The following PDGFRA variants were observed in gnomAD, a reference collection of about 807,000 sequenced individuals.
PDGFRA encodes the protein platelet derived growth factor receptor alpha, also known as platelet-derived growth factor receptor alpha.
A neutral mutation model predicts 121.5 loss-of-function variants in PDGFRA; 25 were observed. The ratio of observed to expected loss-of-function variants is 0.21; its 90% CI spans 0.15 to 0.29. The LOEUF (loss-of-function observed/expected upper bound fraction) is 0.29. Among genes scored for constraint, PDGFRA ranks in the 10% least tolerant of loss-of-function variants. The pLI is 1.00. For synonymous variants in PDGFRA, 463 were observed against 494.8 expected, an observed-to-expected ratio of 0.94 and a Z score of 0.85; for missense variants, 1,008 against 1,345.1, an observed-to-expected ratio of 0.75 and a Z score of 3.92.
At position 54,255,432 on chromosome 4, in the gene PDGFRA, A is replaced by T. The variant is rs111329106; in HGVS notation, c.-12-3325A>T. 1.5e-4 allele frequency among the ~76,000 whole-genome samples: 23 copies of T among 152,118 alleles called. 1 individual carries two copies. Among genetic ancestry groups the T allele is most frequent in the African/African-American group, 5.5e-4 (23 of 41,496 alleles). ...ACCAAATTAGGCTATTATCTACTGGATCCTGTTTAACCAACCCAAACCCAA... is the reference window on the plus strand; with the variant it reads ...ACCAAATTAGGCTATTATCTACTGGTTCCTGTTTAACCAACCCAAACCCAA... On this transcript the variant is annotated intron_variant, in intron 1 of 22. Coordinates refer to ENST00000257290, the MANE Select transcript of PDGFRA (RefSeq NM_006206.6).
chr4:54,279,097 C>A, intron 15 of PDGFRA: 1 of 293,126 alleles, frequency 3.4e-6, no homozygotes, highest in Non-Finnish European at 7.0e-6. Context: ...CATGGCCACA[C>A]GGCTCAAGTT....
At chr4:54,254,387 T>C (rs1364265952) in intron 1 of PDGFRA, among the ~76,000 whole-genome samples, 1 of 152,222 alleles carries the variant, frequency 6.6e-6, no homozygotes, top group African/African-American at 2.4e-5. Context: ...ATTTGCCTCC[T>C]GATGGCTTGC....
intron 3 of PDGFRA, among the ~76,000 whole-genome samples, chr4:54,263,112 A>C (rs1577708403): frequency 1.3e-5 from 2 of 152,208 alleles, no homozygotes; most frequent in Admixed American, 1.3e-4. Flanking sequence ...ACTTTTTAAT[A>C]AACAGATTTC....
At chr4:54,245,579 G>C (rs1305143621) in intron 1 of PDGFRA, among the ~76,000 whole-genome samples, 1 of 152,204 alleles carries the variant, frequency 6.6e-6, no homozygotes, top group East Asian at 1.9e-4. Flanking sequence ...AACATGGAAA[G>C]GAACAACCGG....
chr4:54,243,413 G>A (rs1721419946), intron 1 of PDGFRA, among the ~76,000 whole-genome samples: 1 of 152,204 alleles, frequency 6.6e-6, no homozygotes, highest in Non-Finnish European at 1.5e-5. Context: ...TTATAGGAAG[G>A]TGTGCCAGTA....
At chr4:54,294,698 AGATCCTGAGAACACAGTTTG>A (rs1389458053) in intron 22 of PDGFRA, among the ~76,000 whole-genome samples, 1 of 152,112 alleles carries the variant, frequency 6.6e-6, no homozygotes, top group African/African-American at 2.4e-5. Flanking sequence ...AAGTGGCAGG[AGATCCTGAGAACACAGTTTG>A]GATGCTCAGG....
chr4:54,290,570 G>C lies in PDGFRA; in HGVS notation c.3122+16G>C, dbSNP rs201423707. The C allele has an allele frequency of 6.2e-7, 1 of 1,613,930 alleles. No homozygotes were observed. The highest frequency in any genetic ancestry group is 8.5e-7 in the Non-Finnish European group (1 of 1,179,994). ...ACAGACACAGGTAGCTGTGGGGGCAGCCTCGGTGTCTCACCTTTCCCCTCC... is the reference window on the plus strand; with the variant it reads ...ACAGACACAGGTAGCTGTGGGGGCACCCTCGGTGTCTCACCTTTCCCCTCC... On this transcript the variant is annotated intron_variant, in intron 22 of 22. Transcript: ENST00000257290.
Position 54,261,297 on chromosome 4 carries a change from C to G in PDGFRA, c.252C>G (p.Val84=), listed in dbSNP as rs2110242942. 1.2e-6 allele frequency: 2 copies of G among 1,614,048 alleles called. No homozygotes were observed. The highest frequency in any genetic ancestry group is 1.7e-6 in the Non-Finnish European group (2 of 1,180,004). The change falls in exon 3 of 23, where the codon GTC becomes GTG. Residue 84 remains valine (V), a synonymous_variant. Transcript: ENST00000257290. ...EENNSGLFVT[V]LEVSSASAAH... is the part of the protein sequence containing the mutation. ...ACAACAGCGGCCTTTTTGTGACGGT[C>G]TTGGAAGTGAGCAGTGCCTCGGCGG...
At chr4:54,260,943 A>G (rs755764604) in intron 2 of PDGFRA, 152 bp from the exon 3 acceptor site, 3 of 663,310 alleles carry the variant, frequency 4.5e-6, no homozygotes, top group Non-Finnish European at 5.2e-6. Flanking sequence ...TGGCTGTTAT[A>G]ATGGGGGAGC....
At chr4:54,272,263 C>CA in intron 8 of PDGFRA, 131 bp from the exon 9 acceptor site, 1 of 885,702 alleles carries the variant, frequency 1.1e-6, no homozygotes, top group Non-Finnish European at 1.9e-6. Flanking sequence ...GTTACTTGTA[C>CA]AACTGGTTTC....
At chr4:54,236,644 A>G (rs1474957461) in intron 1 of PDGFRA, among the ~76,000 whole-genome samples, 1 of 152,098 alleles carries the variant, frequency 6.6e-6, no homozygotes, top group Non-Finnish European at 1.5e-5. Context: ...TGTACTAAAA[A>G]TACAAGAAAT....
At chr4:54,240,581 T>A (rs1453513297) in intron 1 of PDGFRA, among the ~76,000 whole-genome samples, 1 of 152,250 alleles carries the variant, frequency 6.6e-6, no homozygotes, top group Non-Finnish European at 1.5e-5. Context: ...AAAAACATTT[T>A]CTTTTCTTAT....
chr4:54,281,685 T>A (rs1474251706), intron 16 of PDGFRA: 1 of 1,362,454 alleles, frequency 7.3e-7, no homozygotes, highest in Non-Finnish European at 9.7e-7. Flanking sequence ...TCCGTGACTA[T>A]CTGAAAAAAA....
In PDGFRA at chr4:54,287,538, C is replaced by T. The variant is rs759510574; in HGVS notation, c.2671C>T (p.Leu891Phe). ...CATTCTGCTCTGGGAGATCTTTTCC[C>T]TTGGTATGGGCCTGACATTGCTGCT... ...YGILLWEIFS[L>F]GGTPYPGMMV... Residue 891 changes from leucine (L) to phenylalanine (F), a missense_variant, in exon 19 of 23, where the codon CTT (leucine) becomes TTT (phenylalanine). Physicochemically the swap from Leu to Phe is conservative, Grantham distance 22. This residue lies in a region of PDGFRA where 40 missense variants were observed against 127.4 expected (regional missense o/e 0.31). Transcript: ENST00000257290. 1 of 1,233,586 alleles carries T rather than the reference C, an allele frequency of 8.1e-7. No homozygotes were observed. Among genetic ancestry groups the T allele is most frequent in the South Asian group, 1.2e-5 (1 of 83,546 alleles). The allele number at this position is 1,233,586 out of a possible 1,614,324, so 76.4% of individuals were successfully genotyped here.
chr4:54,286,657 A>G (rs1029500759), intron 18 of PDGFRA, among the ~76,000 whole-genome samples: 1 of 152,102 alleles, frequency 6.6e-6, no homozygotes, highest in Non-Finnish European at 1.5e-5. Context: ...GCATCTGGCA[A>G]GTGTTAGCTA....
intron 12 of PDGFRA, chr4:54,277,056 G>GATCTC: frequency 5.1e-6 from 2 of 392,650 alleles, no homozygotes; most frequent in Admixed American, 7.6e-5. Context: ...CAGGAGGTGT[G>GATCTC]GGTGAGAGCC....
rs763716086 is a variant in PDGFRA, at chr4:54,272,440, T to C, written c.1284T>C (p.Thr428=). The change falls in exon 9 of 23, where the codon ACT becomes ACC. Residue 428 remains threonine, a synonymous_variant. Coordinates refer to ENST00000257290, the MANE Select transcript of PDGFRA (RefSeq NM_006206.6). ...TGGTCGATGATCACCATGGCTCAAC[T>C]GGGGGACAGACGGTGAGGTGCACAG... ...LDLVDDHHGS[T]GGQTVRCTAE... is the part of the protein sequence containing the mutation. The C allele has an allele frequency of 2.5e-6, 4 of 1,613,888 alleles. No homozygotes were observed. Among genetic ancestry groups the C allele is most frequent in the African/African-American group, 2.7e-5 (2 of 74,912 alleles).
At chr4:54,269,504 TACACACACACAC>T (rs141245838) in intron 7 of PDGFRA, among the ~76,000 whole-genome samples, 2 of 142,288 alleles carry the variant, frequency 1.4e-5, no homozygotes, top group South Asian at 4.4e-4. Flanking sequence ...TGCACATACA[TACACACACACAC>T]ACACACACAC....
chr4:54,260,336 C>T, intron 2 of PDGFRA, among the ~76,000 whole-genome samples: 1 of 150,730 alleles, frequency 6.6e-6, no homozygotes, highest in East Asian at 1.9e-4. Flanking sequence ...AATTCTTGAG[C>T]ACAGATGTGC....
Sources: allele counts gnomAD v4.1 joint callset (sites outside exome capture counted in the v4.1 genomes callset), GRCh38; gene constraint gnomAD v4.1.1; regional missense constraint gnomAD v4.1.1; transcripts MANE v1.5; gene names NCBI Gene and HGNC (gene_info 2026-07-23, HGNC 2026-07-21).